PCLO: variants seen among roughly 807,000 people sequenced by gnomAD.
PCLO encodes the protein piccolo presynaptic cytomatrix protein, also known as protein piccolo.
Under a neutral mutation model 427.5 loss-of-function variants are expected in PCLO, and 82 were observed. The observed-to-expected ratio is 0.19, with a 90% confidence interval of 0.16 to 0.23. The LOEUF (loss-of-function observed/expected upper bound fraction) is 0.23, where lower values mean the gene tolerates loss of function less well. Ranked by LOEUF, PCLO falls within the 10% of genes least tolerant of loss-of-function variation. PCLO has a pLI of 1.00. For missense variants in PCLO, 6,239 were observed against 6,115.9 expected (o/e 1.02, Z -0.67); for synonymous variants, 2,357 against 2,155.4 (o/e 1.09, Z -2.59).
At position 82,949,979 on chromosome 7, in the gene PCLO, G is replaced by A. The variant is rs1389616250; in HGVS notation, c.10609C>T (p.Pro3537Ser). ...GCATCCACTCGTGCCCGTATGGAGGGTGTTCTTATGGTTCCAACTGGTTCA... is the reference window on the plus strand; with the variant it reads ...GCATCCACTCGTGCCCGTATGGAGGATGTTCTTATGGTTCCAACTGGTTCA... ...QTEPVGTIRT[P>S]SIRARVDAKV... Residue 3537 changes from proline (P) to serine (S), a missense_variant, in exon 6 of 25, where the codon CCC becomes TCC. Pro to Ser is a moderately conservative substitution (Grantham distance 74). Coordinates refer to ENST00000333891, the MANE Select transcript of PCLO (RefSeq NM_033026.6). 5 of 1,613,344 alleles carry A rather than the reference G, an allele frequency of 3.1e-6. No homozygotes were observed. In the African/African-American group the frequency reaches 5.4e-5, roughly 17 times the overall value.
At chr7:82,993,976 A>G (rs1411359178) in intron 3 of PCLO, among the ~76,000 whole-genome samples, 1 of 152,100 alleles carries the variant, frequency 6.6e-6, no homozygotes, top group East Asian at 1.9e-4. Flanking sequence ...ACTATCAGGA[A>G]GAAATAAAGG....
intron 10 of PCLO, 83 bp from the exon 11 acceptor site, chr7:82,847,330 A>G: frequency 1.4e-6 from 1 of 737,964 alleles, no homozygotes. Context: ...ATTTATTTGC[A>G]TTTAGAAGTC....
chr7:82,822,545 G>T lies in PCLO; in HGVS notation c.14741C>A (p.Ala4914Asp). 1 of 1,613,904 alleles carries T rather than the reference G, an allele frequency of 6.2e-7. No individual in the cohort carries two copies. The change falls in exon 20 of 25, where the codon GCT becomes GAT. Residue 4914 changes from alanine (A) to aspartate (D), a missense_variant. Physicochemically the swap from Ala to Asp is moderately radical, Grantham distance 126 (BLOSUM62 -2). Transcript: ENST00000333891. ...VTQTHLEDAG[A>D]AIAAAEAAVQ... ...GGCAGCTTCGGCAGCAGCTATGGCAGCCCCTGCATCTTCCAGGTGGGTCTG... is the reference window on the plus strand; with the variant it reads ...GGCAGCTTCGGCAGCAGCTATGGCATCCCCTGCATCTTCCAGGTGGGTCTG...
intron 3 of PCLO, among the ~76,000 whole-genome samples, chr7:82,976,721 A>C (rs1326448152): frequency 6.6e-6 from 1 of 152,184 alleles, no homozygotes; most frequent in Admixed American, 6.6e-5. Flanking sequence ...GTTTCTAAAA[A>C]AAAAATATGG....
At chr7:83,013,167 T>C (rs564233236) in intron 3 of PCLO, among the ~76,000 whole-genome samples, 2 of 152,082 alleles carry the variant, frequency 1.3e-5, no homozygotes, top group Admixed American at 1.3e-4. Flanking sequence ...AAAAATCACA[T>C]GTGAGATATT....
At chr7:82,923,964 C>T (rs937005761) in intron 6 of PCLO, among the ~76,000 whole-genome samples, 5 of 151,986 alleles carry the variant, frequency 3.3e-5, no homozygotes, top group African/African-American at 9.7e-5. Flanking sequence ...CAATCAAAAA[C>T]GTCACCATGC....
intron 2 of PCLO, among the ~76,000 whole-genome samples, chr7:83,139,979 C>A (rs558363955): frequency 6.6e-6 from 1 of 151,770 alleles, no homozygotes; most frequent in African/African-American, 2.4e-5. Context: ...GACAAAAAGA[C>A]AAAAGAAAAA....
At chr7:83,005,242 T>C (rs1787918348) in intron 3 of PCLO, among the ~76,000 whole-genome samples, 1 of 151,626 alleles carries the variant, frequency 6.6e-6, no homozygotes, top group South Asian at 2.1e-4. Context: ...GCCTTAAAAA[T>C]GAAGAGAATC....
chr7:83,102,376 C>T (rs1416605614), intron 3 of PCLO, among the ~76,000 whole-genome samples: 1 of 151,866 alleles, frequency 6.6e-6, no homozygotes, highest in Non-Finnish European at 1.5e-5. Context: ...ATTATATAAA[C>T]AATTTAACTC....
At chr7:82,835,574 A>T in intron 16 of PCLO, 93 bp downstream of exon 16, 1 of 854,244 alleles carries the variant, frequency 1.2e-6, no homozygotes, top group Non-Finnish European at 1.9e-6. Context: ...GTTACAGCCC[A>T]TGTTGAAGTG....
intron 6 of PCLO, among the ~76,000 whole-genome samples, chr7:82,935,482 T>C (rs181881810): frequency 1.3e-5 from 2 of 151,416 alleles, no homozygotes; most frequent in African/African-American, 4.8e-5. Context: ...CAAATGCAAT[T>C]ATGTATGTTG....
In PCLO at chr7:83,162,542, C is replaced by A. The variant is rs1344434264; in HGVS notation, c.51G>T (p.Ala17=). 6.4e-7 allele frequency: 1 copy of A among 1,553,920 alleles called. No individual in the cohort carries two copies. The highest frequency in any genetic ancestry group is 8.7e-7 in the Non-Finnish European group (1 of 1,150,004). The change falls in exon 1 of 25, where the codon GCG becomes GCT. Residue 17 remains alanine (A), a synonymous_variant. Transcript: ENST00000333891. ...CTCCTCCTCCAGCCGCTGCGGCCGC[C>A]GCCAGCCCTTCGGGGAGCCCTTCCC... The part of the protein sequence containing the change: ...LEGEGLPEGL[A]AAAAAGGGAS...
chr7:82,780,063 C>T (rs1790840218), intron 22 of PCLO, among the ~76,000 whole-genome samples: 1 of 152,140 alleles, frequency 6.6e-6, no homozygotes. Context: ...CTCTTTCTCA[C>T]TAAAAGTTCA....
chr7:82,828,099 A>C, intron 16 of PCLO, 133 bp from the exon 17 acceptor site: 1 of 626,926 alleles, frequency 1.6e-6, no homozygotes, highest in East Asian at 2.9e-5. Flanking sequence ...CATCATCCTC[A>C]TGTCTTAAAC....
intron 6 of PCLO, among the ~76,000 whole-genome samples, chr7:82,918,900 T>G (rs1794531797): frequency 6.6e-6 from 1 of 152,058 alleles, no homozygotes; most frequent in Admixed American, 6.6e-5. Context: ...CCGGAAATTT[T>G]AAATATAACC....
intron 16 of PCLO, among the ~76,000 whole-genome samples, chr7:82,830,879 T>A (rs2115708674): frequency 6.6e-6 from 1 of 152,140 alleles, no homozygotes; most frequent in African/African-American, 2.4e-5. Flanking sequence ...GTTATTCAAA[T>A]TTTTCAAATC....
Position 82,827,851 on chromosome 7 carries a change from C to T in PCLO, c.14343+22G>A, listed in dbSNP as rs748902582. 7 of 1,289,590 alleles carry T rather than the reference C, an allele frequency of 5.4e-6. No homozygotes were observed. In the Admixed American group the frequency reaches 9.0e-5, roughly 17 times the overall value. 79.9% of individuals were successfully genotyped at this position (1,289,590 alleles called of 1,614,324 possible). On this transcript the variant is annotated intron_variant, in intron 17 of 24. Coordinates refer to ENST00000333891, the MANE Select transcript of PCLO (RefSeq NM_033026.6). ...TACTTATATTAGCCTAATTCTGTCA[C>T]CTAGAAATAATCTTGACATACCTGT...
intron 3 of PCLO, among the ~76,000 whole-genome samples, chr7:82,983,374 T>C (rs1386905786): frequency 6.6e-6 from 1 of 151,056 alleles, no homozygotes; most frequent in East Asian, 1.9e-4. Flanking sequence ...ATATATATGT[T>C]CCCTCTGGCT....
intron 3 of PCLO, among the ~76,000 whole-genome samples, chr7:83,011,527 A>C (rs1218435234): frequency 6.6e-6 from 1 of 151,996 alleles, no homozygotes; most frequent in Non-Finnish European, 1.5e-5. Context: ...TTTTATTCTG[A>C]GGAACTTACA....
Sources: allele counts gnomAD v4.1 joint callset (sites outside exome capture counted in the v4.1 genomes callset), GRCh38; gene constraint gnomAD v4.1.1; transcripts MANE v1.5; gene names NCBI Gene and HGNC (gene_info 2026-07-23, HGNC 2026-07-21).